ECHDC1: variants seen among roughly 807,000 people sequenced by gnomAD.
The protein encoded by ECHDC1 is ethylmalonyl-CoA decarboxylase.
ECHDC1 carries 29 observed loss-of-function variants against 29.7 expected under a neutral mutation model. The ratio of observed to expected loss-of-function variants is 0.98; its 90% CI spans 0.73 to 1.33. The LOEUF (loss-of-function observed/expected upper bound fraction) is 1.33, where lower values mean the gene tolerates loss of function less well. Ranked by LOEUF, ECHDC1 falls within the 40% of genes most tolerant of loss-of-function variation. The probability of loss-of-function intolerance (pLI) is 0.00; values close to 1 mark genes in which losing one functional copy is unlikely to be tolerated. For synonymous variants in ECHDC1, 126 were observed against 123.1 expected (o/e 1.02, Z -0.15); for missense variants, 328 against 350.0 (o/e 0.94, Z 0.50).
chr6:127,335,996 C>A (rs188084705), intron 1 of ECHDC1, among the ~76,000 whole-genome samples: 30 of 152,084 alleles, frequency 2.0e-4, no homozygotes, highest in African/African-American at 7.2e-4. Flanking sequence ...TCCTGAAGAA[C>A]TAGAAAGCTA....
At chr6:127,316,554 T>C (rs998959332) in intron 3 of ECHDC1, 52 bp from the exon 4 acceptor site, 3 of 1,441,596 alleles carry the variant, frequency 2.1e-6, no homozygotes, top group Non-Finnish European at 1.9e-6. Context: ...ATATATTACA[T>C]TAAATTTTTT....
chr6:127,315,380 T>C (rs890856774), intron 4 of ECHDC1: 2 of 302,856 alleles, frequency 6.6e-6, no homozygotes, highest in Non-Finnish European at 1.3e-5. Flanking sequence ...GTTATGAAGT[T>C]TCCTTCAAAA....
At chr6:127,332,298 C>T (rs17648408) in intron 1 of ECHDC1, among the ~76,000 whole-genome samples, 2,779 of 152,242 alleles carry the variant, frequency 0.018, 38 homozygotes, top group Middle Eastern at 0.034. Flanking sequence ...TAATCAGAGT[C>T]TAAATAGTCC....
chr6:127,321,720 G>A (rs757873420), intron 3 of ECHDC1, among the ~76,000 whole-genome samples: 18 of 151,960 alleles, frequency 1.2e-4, no homozygotes, highest in Admixed American at 9.8e-4. Flanking sequence ...GCTGGACGTC[G>A]GGCCAGGTGC....
At chr6:127,308,987 C>T (rs1582954073) in intron 5 of ECHDC1, among the ~76,000 whole-genome samples, 2 of 152,194 alleles carry the variant, frequency 1.3e-5, no homozygotes, top group Non-Finnish European at 2.9e-5. Context: ...ATCCCATGTT[C>T]GTGGATTGGA....
At chr6:127,315,521 A>C (rs1430194508) in intron 4 of ECHDC1, 1 of 218,228 alleles carries the variant, frequency 4.6e-6, no homozygotes, top group East Asian at 1.2e-4. Context: ...AATACAAGGT[A>C]AATCTAAAAT....
At chr6:127,328,924 G>A (rs1783640424) in intron 2 of ECHDC1, among the ~76,000 whole-genome samples, 1 of 152,122 alleles carries the variant, frequency 6.6e-6, no homozygotes, top group Non-Finnish European at 1.5e-5. Context: ...CTAGTCCGGA[G>A]GCTGAGGCAG....
At chr6:127,342,443 C>G in intron 1 of ECHDC1, 3 of 1,481,790 alleles carry the variant, frequency 2.0e-6, no homozygotes, top group Non-Finnish European at 2.7e-6. Flanking sequence ...TATACAGTCG[C>G]CTTTCAGGCC....
At chr6:127,329,769 A>T (rs867341310) in intron 2 of ECHDC1, 1 of 325,428 alleles carries the variant, frequency 3.1e-6, no homozygotes, top group Admixed American at 4.2e-5. Flanking sequence ...ACCTTTTTTA[A>T]ATTTTTTTAA....
rs879831274 is a variant in ECHDC1, at chr6:127,296,200, G to GT, written c.498-5924dup. Among the ~76,000 whole-genome samples the GT allele has an allele frequency of 1.7e-4, 26 of 151,118 alleles. No individual in the cohort carries two copies. In the South Asian group the frequency reaches 1.9e-3, roughly 11 times the overall value. On this transcript the variant is annotated intron_variant, in intron 5 of 5. Transcript: ENST00000454859. Reference sequence around the variant, plus strand: ...TGACTACTTTTGTGTGTGTGTGTCTGTTTTTTTTTAGACAGGGTCTTATTA... The same window carrying GT: ...TGACTACTTTTGTGTGTGTGTGTCTGTTTTTTTTTTAGACAGGGTCTTATTA...
At chr6:127,331,153 T>C (rs1783905993) in intron 1 of ECHDC1, 123 bp from the exon 2 acceptor site, 1 of 88,342 alleles carries the variant, frequency 1.1e-5, no homozygotes, top group Non-Finnish European at 1.7e-5. Flanking sequence ...CCCCATTTCT[T>C]TTTTTTTTTT....
chr6:127,289,512 A>C lies in ECHDC1; in HGVS notation c.*357T>G, dbSNP rs1779929234. On this transcript the variant is annotated 3_prime_UTR_variant, in exon 6 of 6. Coordinates refer to ENST00000454859, the MANE Select transcript of ECHDC1 (RefSeq NM_001002030.2). ...TATTTTGGTAAATTATTTCCAGGTAAAACAGAACAAAAATTGTATGAAAAG... is the reference window on the plus strand; with the variant it reads ...TATTTTGGTAAATTATTTCCAGGTACAACAGAACAAAAATTGTATGAAAAG... 5.8e-6 allele frequency: 1 copy of C among 172,936 alleles called. No homozygotes were observed. Among genetic ancestry groups the C allele is most frequent in the South Asian group, 1.6e-4 (1 of 6,086 alleles). The allele number at this position is 172,936 out of a possible 1,614,324, so 10.7% of individuals were successfully genotyped here.
chr6:127,336,313 TA>T (rs1478690399), intron 1 of ECHDC1, among the ~76,000 whole-genome samples: 1 of 152,140 alleles, frequency 6.6e-6, no homozygotes, highest in South Asian at 2.1e-4. Context: ...TATACTTAAA[TA>T]ATAGATTATT....
At chr6:127,323,911 T>C (rs904237670) in intron 3 of ECHDC1, among the ~76,000 whole-genome samples, 2 of 152,180 alleles carry the variant, frequency 1.3e-5, no homozygotes, top group Non-Finnish European at 2.9e-5. Flanking sequence ...GTATTTCTAC[T>C]CTGTCAGGGT....
chr6:127,290,128 T>C lies in ECHDC1; in HGVS notation c.647A>G (p.Asn216Ser). The C allele has an allele frequency of 2.5e-6, 4 of 1,613,744 alleles. No homozygotes were observed. The highest frequency in any genetic ancestry group is 3.4e-6 in the Non-Finnish European group (4 of 1,179,772). ...TTCAACCATTCCTATGTTTAGAGCA[T>C]TTTTTGAATCCAGTTTAAGGGCCCC... ...LSGALKLDSKNALNIGMVEEV... is the reference protein window; with the variant it reads ...LSGALKLDSKSALNIGMVEEV... Residue 216 changes from asparagine to serine, a missense_variant, in exon 6 of 6, where the codon AAT becomes AGT. Coordinates refer to ENST00000454859, the MANE Select transcript of ECHDC1 (RefSeq NM_001002030.2).
chr6:127,292,528 A>G (rs549308471), intron 5 of ECHDC1, among the ~76,000 whole-genome samples: 2 of 152,126 alleles, frequency 1.3e-5, no homozygotes, highest in South Asian at 4.1e-4. Context: ...TTAAATATAT[A>G]TTAAATAAAT....
chr6:127,328,614 G>A (rs995955017), intron 2 of ECHDC1, among the ~76,000 whole-genome samples: 9 of 152,260 alleles, frequency 5.9e-5, no homozygotes, highest in African/African-American at 2.2e-4. Flanking sequence ...TAGAAATATC[G>A]TTCTTTTGCT....
At chr6:127,319,341 T>G (rs1321234999) in intron 3 of ECHDC1, among the ~76,000 whole-genome samples, 1 of 152,214 alleles carries the variant, frequency 6.6e-6, no homozygotes, top group Admixed American at 6.5e-5. Flanking sequence ...TTAAGGGAGC[T>G]AGTAATGATT....
chr6:127,333,995 G>A (rs1052654129), intron 1 of ECHDC1, among the ~76,000 whole-genome samples: 5 of 152,020 alleles, frequency 3.3e-5, no homozygotes, highest in Admixed American at 1.3e-4. Flanking sequence ...TGAAGTTCCT[G>A]TGCAAGCTTT....
Sources: gnomAD v4.1 joint callset for allele counts (sites outside exome capture counted in the v4.1 genomes callset) on GRCh38, gnomAD v4.1.1 for gene constraint, MANE v1.5 for transcripts, NCBI Gene and HGNC (gene_info 2026-07-23, HGNC 2026-07-21) for gene names.